GRK3: variants seen among roughly 807,000 people sequenced by gnomAD.
GRK3 encodes G protein-coupled receptor kinase 3, also known as adrenergic, beta, receptor kinase 2.
GRK3 carries 54 observed loss-of-function variants against 95.7 expected under a neutral mutation model. The observed-to-expected ratio is 0.56, with a 90% CI of 0.45 to 0.71. The LOEUF (loss-of-function observed/expected upper bound fraction) is 0.71, where lower values mean the gene tolerates loss of function less well. Among genes scored for constraint, GRK3 ranks in the 30% least tolerant of loss-of-function variants. The pLI is 0.00. For synonymous variants in GRK3, 281 were observed against 290.8 expected, an observed-to-expected ratio of 0.97 and a Z score of 0.34; for missense variants, 649 against 851.2, an observed-to-expected ratio of 0.76 and a Z score of 2.96.
intron 13 of GRK3, among the ~76,000 whole-genome samples, chr22:25,695,583 A>G (rs2146444727): frequency 6.6e-6 from 1 of 152,344 alleles, no homozygotes; most frequent in African/African-American, 2.4e-5. Context: ...TTAATTATTC[A>G]TCATCTTGAG....
intron 20 of GRK3, 67 bp from the exon 21 acceptor site, chr22:25,722,222 G>A: frequency 2.5e-6 from 4 of 1,569,052 alleles, no homozygotes; most frequent in East Asian, 2.3e-5. Flanking sequence ...TAATCAATAG[G>A]GGCAGCCTCC....
chr22:25,710,613 T>C (rs1462016063), intron 16 of GRK3, among the ~76,000 whole-genome samples: 1 of 152,228 alleles, frequency 6.6e-6, no homozygotes, highest in African/African-American at 2.4e-5. Flanking sequence ...AAGACTGATC[T>C]GTCAGTCCTA....
intron 11 of GRK3, among the ~76,000 whole-genome samples, chr22:25,688,213 A>G (rs567043248): frequency 2.3e-4 from 34 of 148,610 alleles, no homozygotes; most frequent in Admixed American, 1.1e-3. Context: ...TCCAGCCTGG[A>G]CAACAGAGCA....
At position 25,729,165 on chromosome 22, in the gene GRK3, T is replaced by G. The variant is rs1174115900; in HGVS notation, c.*6715T>G. The G allele has an allele frequency of 6.6e-6, 1 of 152,206 alleles. No individual in the cohort carries two copies. Among genetic ancestry groups the G allele is most frequent in the Non-Finnish European group, 1.5e-5 (1 of 68,052 alleles). 9.4% of individuals were successfully genotyped at this position (152,206 alleles called of 1,614,324 possible). A position where few individuals can be genotyped will look rare whatever the true frequency, so the allele number is the denominator to read the frequency against. ...GGGAGATGCTGCTCCACGTCTGAGG[T>G]CACCTGCCCTGTGTGGGGCACACCA... On this transcript the variant is annotated 3_prime_UTR_variant, in exon 21 of 21. Coordinates refer to ENST00000324198, the MANE Select transcript of GRK3 (RefSeq NM_005160.4).
At chr22:25,704,042 G>T in intron 14 of GRK3, 67 bp from the exon 15 acceptor site, 1 of 1,174,228 alleles carries the variant, frequency 8.5e-7, no homozygotes, top group Non-Finnish European at 1.3e-6. Flanking sequence ...TAGTCTTTAA[G>T]TCTGGTTGAG....
At chr22:25,593,853 G>T (rs1416875489) in intron 1 of GRK3, among the ~76,000 whole-genome samples, 1 of 152,012 alleles carries the variant, frequency 6.6e-6, no homozygotes, top group African/African-American at 2.4e-5. Flanking sequence ...ACCATTTATT[G>T]AGTAGGGAGT....
Position 25,722,419 on chromosome 22 carries a change from C to A in GRK3, c.2036C>A (p.Ser679Tyr). 6.2e-7 allele frequency: 1 copy of A among 1,614,034 alleles called. No individual in the cohort carries two copies. Among genetic ancestry groups the A allele is most frequent in the East Asian group, 2.2e-5 (1 of 44,888 alleles). ...RSGTVELPKP[S>Y]LCHRNSNGL ...GGTACTGTGGAGCTCCCAAAGCCAT[C>A]CCTCTGTCACAGAAACAGCAACGGC... The change falls in exon 21 of 21, where the codon TCC becomes TAC. Residue 679 changes from serine to tyrosine, a missense_variant. Physicochemically the swap from Ser to Tyr is moderately radical, Grantham distance 144. This residue lies in a region of GRK3 where 382 missense variants were observed against 493.8 expected (regional missense o/e 0.77). Coordinates refer to ENST00000324198, the MANE Select transcript of GRK3 (RefSeq NM_005160.4).
chr22:25,649,437 G>A (rs2084812068), intron 3 of GRK3, among the ~76,000 whole-genome samples: 2 of 152,092 alleles, frequency 1.3e-5, no homozygotes, highest in Admixed American at 6.5e-5. Context: ...TTTTCCAACC[G>A]ATTTCAGGGT....
At chr22:25,718,158 C>T (rs2085401563) in intron 18 of GRK3, 87 bp from the exon 19 acceptor site, 1 of 1,438,432 alleles carries the variant, frequency 7.0e-7, no homozygotes, top group South Asian at 1.3e-5. Context: ...TTCCAAAAAG[C>T]ATGTCTGTTC....
intron 4 of GRK3, among the ~76,000 whole-genome samples, chr22:25,662,817 T>C (rs531339029): frequency 1.3e-5 from 2 of 152,322 alleles, no homozygotes; most frequent in African/African-American, 4.8e-5. Context: ...ATGATGGTAC[T>C]TTTAAGCCTT....
In GRK3 at chr22:25,709,510, T is replaced by C. The variant is rs561861023; in HGVS notation, c.1329-388T>C. Among the ~76,000 whole-genome samples the C allele has an allele frequency of 9.2e-5, 14 of 152,338 alleles. No individual in the cohort carries two copies. The South Asian group carries it at 2.5e-3, about 27-fold the overall frequency. Reference sequence around the variant, plus strand: ...TCCTATTACATTATCTATTGCGATGTGTAAATATTTGCTGTAAATTTCTTT... The same window carrying C: ...TCCTATTACATTATCTATTGCGATGCGTAAATATTTGCTGTAAATTTCTTT... On this transcript the variant is annotated intron_variant, in intron 15 of 20. Transcript: ENST00000324198.
At chr22:25,599,485 G>C (rs187555033) in intron 1 of GRK3, among the ~76,000 whole-genome samples, 1 of 151,488 alleles carries the variant, frequency 6.6e-6, no homozygotes, top group East Asian at 1.9e-4. Flanking sequence ...TCAGCTACTC[G>C]GGAGGCTGAG....
At chr22:25,598,922 G>GA (rs2084389833) in intron 1 of GRK3, among the ~76,000 whole-genome samples, 1 of 151,906 alleles carries the variant, frequency 6.6e-6, no homozygotes. Flanking sequence ...ATTGATTTTT[G>GA]AAAAAATGCC....
intron 2 of GRK3, among the ~76,000 whole-genome samples, chr22:25,637,181 G>T (rs1434578788): frequency 9.7e-6 from 1 of 103,154 alleles, no homozygotes; most frequent in Non-Finnish European, 1.7e-5. Context: ...TGATACTAGC[G>T]CCTTTTCCTG....
chr22:25,584,751 T>C (rs1474225665), intron 1 of GRK3, among the ~76,000 whole-genome samples: 1 of 151,866 alleles, frequency 6.6e-6, no homozygotes, highest in Non-Finnish European at 1.5e-5. Context: ...TTATACTATC[T>C]GCAGGTTCAG....
intron 1 of GRK3, among the ~76,000 whole-genome samples, chr22:25,593,201 T>C (rs1478357274): frequency 3.3e-5 from 5 of 151,992 alleles, no homozygotes; most frequent in Non-Finnish European, 7.4e-5. Flanking sequence ...ATATATTCAG[T>C]AATAGGATTG....
Position 25,674,476 on chromosome 22 carries a change from C to T in GRK3, c.595C>T (p.Arg199Ter), listed in dbSNP as rs2085010730. The T allele has an allele frequency of 2.5e-6, 4 of 1,613,806 alleles. No individual in the cohort carries two copies. Among genetic ancestry groups the T allele is most frequent in the African/African-American group, 1.3e-5 (1 of 74,864 alleles). ...NEFSVHRIIG[R>*]GGFGEVYGCR... Reference sequence around the variant, plus strand: ...GTTCAGTGTGCATAGGATTATTGGACGAGGAGGATTCGGGGAAGTTTATGG... The same window carrying T: ...GTTCAGTGTGCATAGGATTATTGGATGAGGAGGATTCGGGGAAGTTTATGG... The change falls in exon 8 of 21, where the codon CGA (arginine) becomes TGA (stop). Residue 199 changes from arginine to a stop codon, truncating the protein, a stop_gained. Coordinates refer to ENST00000324198, the MANE Select transcript of GRK3 (RefSeq NM_005160.4). LOFTEE classifies it high-confidence loss of function.
chr22:25,606,311 C>T (rs2084446189), intron 2 of GRK3, among the ~76,000 whole-genome samples: 1 of 152,224 alleles, frequency 6.6e-6, no homozygotes, highest in African/African-American at 2.4e-5. Context: ...AGGTCATGGT[C>T]ACAGGAAAGA....
chr22:25,639,474 G>A (rs1429904084), intron 2 of GRK3, among the ~76,000 whole-genome samples: 1 of 151,824 alleles, frequency 6.6e-6, no homozygotes, highest in Non-Finnish European at 1.5e-5. Flanking sequence ...GCATATTCTG[G>A]GACCTTATAT....
Sources: gnomAD v4.1 joint callset for allele counts (sites outside exome capture counted in the v4.1 genomes callset) on GRCh38, gnomAD v4.1.1 for gene constraint, gnomAD v4.1.1 regional missense constraint, MANE v1.5 for transcripts, NCBI Gene and HGNC (gene_info 2026-07-23, HGNC 2026-07-21) for gene names.